Variants in DHX40 observed in about 807,000 individuals in gnomAD.
The protein encoded by DHX40 is DEAH-box helicase 40.
DHX40 carries 28 observed loss-of-function variants against 89.6 expected under a neutral mutation model. The observed-to-expected ratio is 0.31, with a 90% CI of 0.23 to 0.43. DHX40 has a LOEUF of 0.43. Among genes scored for constraint, DHX40 ranks in the 20% least tolerant of loss-of-function variants. The pLI is 1.00. For missense variants in DHX40, 457 were observed against 844.0 expected (o/e 0.54, Z 5.68); for synonymous variants, 226 against 283.6 (o/e 0.80, Z 2.04).
intron 3 of DHX40, among the ~76,000 whole-genome samples, chr17:59,571,592 A>G (rs969173199): frequency 5.3e-5 from 8 of 150,358 alleles, no homozygotes; most frequent in Admixed American, 2.6e-4. Context: ...GCCTCTGGTA[A>G]CTTCTTTTTT....
chr17:59,600,412 T>C (rs1567896960), intron 14 of DHX40, among the ~76,000 whole-genome samples: 1 of 151,962 alleles, frequency 6.6e-6, no homozygotes, highest in Non-Finnish European at 1.5e-5. Context: ...ACTTACTGTA[T>C]ATAAGTTTGC....
chr17:59,607,220 G>C lies in DHX40; in HGVS notation c.*48G>C. The C allele has an allele frequency of 6.2e-7, 1 of 1,614,158 alleles. No individual in the cohort carries two copies. The highest frequency in any genetic ancestry group is 1.6e-4 in the Middle Eastern group (1 of 6,062). On this transcript the variant is annotated 3_prime_UTR_variant, in exon 18 of 18. Transcript: ENST00000251241. ...GAAGTGGGAAAAGGAGCCAGGAAAT[G>C]TGCTTCTACTTTGCCAGTTATTTCA...
Position 59,570,528 on chromosome 17 carries a change from A to G in DHX40, c.291A>G (p.Gln97=). ...CTCTGGTTTTGATAGGGTTTTCACA[A>G]CATGGTATGATTGGTGTAACTCAAC... ...PKYLYEAGFS[Q]HGMIGVTQPR... Residue 97 remains glutamine, a synonymous_variant, in exon 3 of 18, where the codon CAA becomes CAG. Coordinates refer to ENST00000251241, the MANE Select transcript of DHX40 (RefSeq NM_024612.5). The G allele has an allele frequency of 6.3e-7, 1 of 1,597,498 alleles. No homozygotes were observed.
intron 3 of DHX40, among the ~76,000 whole-genome samples, chr17:59,572,730 C>A (rs1168900498): frequency 6.6e-6 from 1 of 152,178 alleles, no homozygotes; most frequent in Non-Finnish European, 1.5e-5. Flanking sequence ...GGAAAGTATG[C>A]ACCTACCATT....
At position 59,573,974 on chromosome 17, in the gene DHX40, C is replaced by T. The variant is rs1555590030; in HGVS notation, c.774+7C>T. On this transcript the variant is annotated splice_region_variant and intron_variant, in intron 5 of 17. Transcript: ENST00000251241. ...TACTGCGTATATTCAAGCGGTATTACTTGGCATTCATTTAATGTCTTTTTT... is the reference window on the plus strand; with the variant it reads ...TACTGCGTATATTCAAGCGGTATTATTTGGCATTCATTTAATGTCTTTTTT... 5 of 1,404,400 alleles carry T rather than the reference C, an allele frequency of 3.6e-6. No homozygotes were observed. The South Asian group carries it at 5.1e-5, about 14-fold the overall frequency. The allele number at this position is 1,404,400 out of a possible 1,614,324, so 87.0% of individuals were successfully genotyped here.
chr17:59,600,662 CAGTG>C (rs2030446907), intron 14 of DHX40, among the ~76,000 whole-genome samples: 1 of 151,608 alleles, frequency 6.6e-6, no homozygotes, highest in Non-Finnish European at 1.5e-5. Flanking sequence ...GCCTGAGAAA[CAGTG>C]AGACCCTGTC....
intron 11 of DHX40, among the ~76,000 whole-genome samples, chr17:59,586,632 C>T (rs1455566932): frequency 1.1e-4 from 17 of 150,750 alleles, no homozygotes; most frequent in Non-Finnish European, 2.4e-4. Flanking sequence ...TGCCACTGCA[C>T]TCCAGCCTGG....
chr17:59,586,009 A>T, intron 10 of DHX40, 144 bp from the exon 11 acceptor site: 2 of 662,466 alleles, frequency 3.0e-6, no homozygotes, highest in Non-Finnish European at 2.6e-6. Flanking sequence ...AATGCTGATC[A>T]TGATCATATA....
intron 12 of DHX40, among the ~76,000 whole-genome samples, chr17:59,597,934 C>CAA (rs776094146): frequency 2.8e-4 from 16 of 56,758 alleles, no homozygotes; most frequent in African/African-American, 4.9e-4. Context: ...GACTCCGTCT[C>CAA]AAAAAAAAAA....
chr17:59,602,392 G>T, intron 14 of DHX40, 130 bp from the exon 15 acceptor site: 1 of 723,618 alleles, frequency 1.4e-6, no homozygotes, highest in Non-Finnish European at 2.1e-6. Context: ...CAGGTGGAAG[G>T]GTAAATCTGG....
At chr17:59,594,741 C>T (rs1007540733) in intron 12 of DHX40, among the ~76,000 whole-genome samples, 1 of 152,120 alleles carries the variant, frequency 6.6e-6, no homozygotes, top group Admixed American at 6.5e-5. Context: ...ATCTGTTATG[C>T]TTTGATCTTC....
intron 2 of DHX40, among the ~76,000 whole-genome samples, chr17:59,567,544 G>C (rs2048723894): frequency 6.6e-6 from 1 of 152,140 alleles, no homozygotes; most frequent in African/African-American, 2.4e-5. Flanking sequence ...TATACAATCA[G>C]CCTCCTCTGC....
In DHX40 at chr17:59,577,259, A is replaced by G; in HGVS notation, c.974-7A>G. ...AAATTGGTATTTTCTTTTTATATAT[A>G]CTTCAGATCAACAGAGGAGGATATT... On this transcript the variant is annotated splice_region_variant and splice_polypyrimidine_tract_variant and intron_variant, in intron 7 of 17. Coordinates refer to ENST00000251241, the MANE Select transcript of DHX40 (RefSeq NM_024612.5). The G allele has an allele frequency of 1.9e-6, 3 of 1,607,486 alleles. No individual in the cohort carries two copies. The highest frequency in any genetic ancestry group is 8.5e-7 in the Non-Finnish European group (1 of 1,174,290).
chr17:59,602,501 C>G (rs781458868), intron 14 of DHX40, 21 bp from the exon 15 acceptor site: 7 of 1,573,840 alleles, frequency 4.4e-6, no homozygotes, highest in African/African-American at 1.4e-5. Context: ...ATTTACCACT[C>G]TCTACATATT....
At chr17:59,575,033 A>G (rs1183236378) in intron 6 of DHX40, among the ~76,000 whole-genome samples, 2 of 151,866 alleles carry the variant, frequency 1.3e-5, no homozygotes, top group East Asian at 3.9e-4. Context: ...CAAATGCAAT[A>G]GCACCTGGAC....
At chr17:59,587,194 A>G (rs2049011205) in intron 11 of DHX40, among the ~76,000 whole-genome samples, 1 of 148,638 alleles carries the variant, frequency 6.7e-6, no homozygotes, top group Non-Finnish European at 1.5e-5. Flanking sequence ...AAATAAAATT[A>G]TTATTCTCTC....
intron 2 of DHX40, among the ~76,000 whole-genome samples, chr17:59,567,342 A>T (rs1216008698): frequency 6.6e-6 from 1 of 152,240 alleles, no homozygotes; most frequent in Non-Finnish European, 1.5e-5. Flanking sequence ...GTTCCACGCC[A>T]CCAAGTCTAG....
intron 2 of DHX40, among the ~76,000 whole-genome samples, chr17:59,568,261 G>T (rs1175759653): frequency 6.6e-6 from 1 of 152,118 alleles, no homozygotes; most frequent in East Asian, 1.9e-4. Flanking sequence ...TAAATTTGTT[G>T]TAATTTTGTT....
intron 14 of DHX40, 69 bp from the exon 15 acceptor site, chr17:59,602,453 T>A: frequency 7.2e-7 from 1 of 1,386,782 alleles, no homozygotes; most frequent in Non-Finnish European, 9.9e-7. Context: ...AAATGTGGAT[T>A]TTTCAAAATA....
Sources: allele counts gnomAD v4.1 joint callset (sites outside exome capture counted in the v4.1 genomes callset), GRCh38; gene constraint gnomAD v4.1.1; transcripts MANE v1.5; gene names NCBI Gene and HGNC (gene_info 2026-07-23, HGNC 2026-07-21).